CFAP299: variants seen among roughly 807,000 people sequenced by gnomAD.
The protein encoded by CFAP299 is cilia- and flagella-associated protein 299.
Under a neutral mutation model 27.0 loss-of-function variants are expected in CFAP299, and 21 were observed. The observed-to-expected ratio is 0.78, with a 90% confidence interval of 0.55 to 1.12. CFAP299 has a LOEUF of 1.12. Among genes scored for constraint, CFAP299 ranks in the 50% most tolerant of loss-of-function variants. The pLI is 0.00. For missense variants in CFAP299, 310 were observed against 276.6 expected (o/e 1.12, Z -0.86); for synonymous variants, 104 against 98.1 (o/e 1.06, Z -0.36).
At chr4:80,860,261 C>G (rs891943569) in intron 3 of CFAP299, among the ~76,000 whole-genome samples, 1 of 152,182 alleles carries the variant, frequency 6.6e-6, no homozygotes, top group Non-Finnish European at 1.5e-5. Context: ...TTCAGCTCCA[C>G]CAGCTCCTTT....
rs114920847 is a variant in CFAP299 at position 80,584,227 on chromosome 4, G to A, written c.333+1044G>A. Among the ~76,000 whole-genome samples, 1,390 of 152,058 alleles carry A rather than the reference G, an allele frequency of 9.1e-3. 22 individuals carry two copies. Among genetic ancestry groups the A allele is most frequent in the African/African-American group, 0.031 (1,276 of 41,518 alleles). ...TCTGAATGAATATATGAGCTATTAC[G>A]AATGCATTTTCTCAGAAATGTCAAT... On this transcript the variant is annotated intron_variant, in intron 3 of 5. Transcript: ENST00000358105.
At position 80,398,176 on chromosome 4, in the gene CFAP299, C is replaced by T. The variant is rs192310736; in HGVS notation, c.242+35292C>T. ...AGGAGAACTACAAACCACTGCTCAA[C>T]GAAATAAAAGAGGATACAAACAAAT... On this transcript the variant is annotated intron_variant, in intron 2 of 5. Transcript: ENST00000358105. 9.6e-3 allele frequency among the ~76,000 whole-genome samples: 1,454 copies of T among 151,938 alleles called. 25 individuals are homozygous for T. The highest frequency in any genetic ancestry group is 0.033 in the African/African-American group (1,373 of 41,454).
chr4:80,701,290 G>A (rs962158156), intron 3 of CFAP299, among the ~76,000 whole-genome samples: 1 of 151,950 alleles, frequency 6.6e-6, no homozygotes, highest in Admixed American at 6.6e-5. Context: ...ATTTCTCATA[G>A]CTCTTCCCTT....
At chr4:80,563,205 G>T (rs1247410786) in intron 2 of CFAP299, among the ~76,000 whole-genome samples, 1 of 151,976 alleles carries the variant, frequency 6.6e-6, no homozygotes. Context: ...GAATTTAATG[G>T]ATATGTATAG....
chr4:80,510,912 C>T (rs1732265219), intron 2 of CFAP299, among the ~76,000 whole-genome samples: 1 of 152,148 alleles, frequency 6.6e-6, no homozygotes, highest in Non-Finnish European at 1.5e-5. Flanking sequence ...AATGGATATT[C>T]AGTACTTTAT....
chr4:80,947,737 A>G (rs1737549002), intron 5 of CFAP299, among the ~76,000 whole-genome samples: 1 of 152,162 alleles, frequency 6.6e-6, no homozygotes, highest in Admixed American at 6.5e-5. Context: ...AATAAGTAGA[A>G]AGACACTTAT....
At chr4:80,922,632 A>G (rs1736103021) in intron 4 of CFAP299, among the ~76,000 whole-genome samples, 2 of 152,094 alleles carry the variant, frequency 1.3e-5, no homozygotes, top group East Asian at 1.9e-4. Context: ...CATGATATAC[A>G]TGTTACAATA....
At chr4:80,538,755 A>G (rs1403565649) in intron 2 of CFAP299, among the ~76,000 whole-genome samples, 1 of 152,190 alleles carries the variant, frequency 6.6e-6, no homozygotes, top group African/African-American at 2.4e-5. Context: ...CTAGGTTTGT[A>G]TAAGTGCATT....
chr4:80,518,833 C>T (rs1429229431), intron 2 of CFAP299, among the ~76,000 whole-genome samples: 3 of 152,038 alleles, frequency 2.0e-5, no homozygotes, highest in African/African-American at 4.8e-5. Flanking sequence ...GGCATTTGAG[C>T]TAGCACTTGA....
intron 3 of CFAP299, among the ~76,000 whole-genome samples, chr4:80,856,727 T>C (rs562056034): frequency 5.5e-4 from 84 of 152,312 alleles, no homozygotes; most frequent in African/African-American, 1.9e-3. Context: ...TATGCAGTGT[T>C]ATTTCTGAGG....
intron 4 of CFAP299, among the ~76,000 whole-genome samples, chr4:80,919,217 G>A (rs1340589648): frequency 6.6e-6 from 1 of 152,100 alleles, no homozygotes; most frequent in Non-Finnish European, 1.5e-5. Context: ...TTACCAAACA[G>A]AATATTCCTA....
chr4:80,344,159 A>G (rs1325199397), intron 1 of CFAP299, among the ~76,000 whole-genome samples: 2 of 152,144 alleles, frequency 1.3e-5, no homozygotes, highest in African/African-American at 4.8e-5. Flanking sequence ...AGCTGAACTG[A>G]AGGAGATAGA....
intron 3 of CFAP299, among the ~76,000 whole-genome samples, chr4:80,729,467 A>G (rs1033749819): frequency 6.6e-5 from 10 of 152,166 alleles, no homozygotes; most frequent in Admixed American, 6.5e-4. Flanking sequence ...GTATTATAAA[A>G]AGACCGTGGC....
intron 3 of CFAP299, among the ~76,000 whole-genome samples, chr4:80,642,045 G>T (rs1739754200): frequency 6.6e-6 from 1 of 152,190 alleles, no homozygotes; most frequent in South Asian, 2.1e-4. Flanking sequence ...GGGCAGAAAG[G>T]TTCTGCATTT....
At chr4:80,759,778 A>C (rs1430469448) in intron 3 of CFAP299, among the ~76,000 whole-genome samples, 1 of 152,210 alleles carries the variant, frequency 6.6e-6, no homozygotes, top group Non-Finnish European at 1.5e-5. Context: ...GACTTTACGT[A>C]ACTTTTACAC....
intron 3 of CFAP299, among the ~76,000 whole-genome samples, chr4:80,633,932 G>C (rs1366337246): frequency 3.4e-5 from 5 of 147,850 alleles, no homozygotes; most frequent in Non-Finnish European, 7.5e-5. Flanking sequence ...AAGCCATGGA[G>C]TTATTGCAAT....
chr4:80,323,887 T>C, the CFAP299 span, among the ~76,000 whole-genome samples: 1 of 152,224 alleles, frequency 6.6e-6, no homozygotes, highest in African/African-American at 2.4e-5. Flanking sequence ...TGATTGCCAA[T>C]AGTCACATTG....
At chr4:80,670,348 A>G (rs1741405776) in intron 3 of CFAP299, among the ~76,000 whole-genome samples, 1 of 152,140 alleles carries the variant, frequency 6.6e-6, no homozygotes, top group African/African-American at 2.4e-5. Context: ...ATAGTATTCC[A>G]TGGTGTACAT....
chr4:80,565,998 C>CA (rs1735265684), intron 2 of CFAP299, among the ~76,000 whole-genome samples: 1 of 151,998 alleles, frequency 6.6e-6, no homozygotes, highest in African/African-American at 2.4e-5. Flanking sequence ...TGACATCTAC[C>CA]ATGGGCTGCT....
Sources: gnomAD v4.1 joint callset for allele counts (sites outside exome capture counted in the v4.1 genomes callset) on GRCh38, gnomAD v4.1.1 for gene constraint, MANE v1.5 for transcripts, NCBI Gene and HGNC (gene_info 2026-07-23, HGNC 2026-07-21) for gene names.